EGLN1: variants seen among roughly 807,000 people sequenced by gnomAD.
The protein encoded by EGLN1 is egl nine homolog 1.
Under a neutral mutation model 38.3 loss-of-function variants are expected in EGLN1, and 17 were observed. The ratio of observed to expected loss-of-function variants is 0.44; its 90% CI spans 0.30 to 0.67. The LOEUF (loss-of-function observed/expected upper bound fraction) is 0.67. Ranked by LOEUF, EGLN1 falls within the 30% of genes least tolerant of loss-of-function variation. The probability of loss-of-function intolerance (pLI) is 0.08; values close to 1 mark genes in which losing one functional copy is unlikely to be tolerated. For missense variants in EGLN1, 477 were observed against 603.3 expected, an observed-to-expected ratio of 0.79 and a Z score of 2.19; for synonymous variants, 283 against 257.5, an observed-to-expected ratio of 1.10 and a Z score of -0.95.
chr1:231,417,188 C>A (rs2102942878), intron 1 of EGLN1, among the ~76,000 whole-genome samples: 1 of 151,840 alleles, frequency 6.6e-6, no homozygotes, highest in East Asian at 1.9e-4. Context: ...TCATCCTATT[C>A]TTTGCTCTAA....
intron 1 of EGLN1, among the ~76,000 whole-genome samples, chr1:231,408,259 G>A (rs1330553322): frequency 1.3e-5 from 2 of 152,150 alleles, no homozygotes; most frequent in African/African-American, 4.8e-5. Context: ...GGGGAGGAGT[G>A]TGGGAGTGGT....
At chr1:231,419,098 T>G (rs1656461844) in intron 1 of EGLN1, among the ~76,000 whole-genome samples, 1 of 152,210 alleles carries the variant, frequency 6.6e-6, no homozygotes, top group Admixed American at 6.5e-5. Context: ...TTATAGATCC[T>G]GAAGTTGCGT....
chr1:231,371,673 G>A (rs917660791), intron 2 of EGLN1, among the ~76,000 whole-genome samples: 6 of 152,136 alleles, frequency 3.9e-5, no homozygotes, highest in Non-Finnish European at 5.9e-5. Flanking sequence ...GGGAACTGTG[G>A]TGGGCTCTGG....
chr1:231,387,360 A>ATT (rs1464252140), intron 1 of EGLN1, among the ~76,000 whole-genome samples: 60 of 135,912 alleles, frequency 4.4e-4, no homozygotes, highest in Non-Finnish European at 5.1e-4. Context: ...TATTTTTTTA[A>ATT]TTTTTTTTTT....
chr1:231,396,497 C>T (rs909674766), intron 1 of EGLN1, among the ~76,000 whole-genome samples: 1 of 152,138 alleles, frequency 6.6e-6, no homozygotes, highest in African/African-American at 2.4e-5. Context: ...TGAGATCCAC[C>T]TCCCTCAGCC....
intron 2 of EGLN1, among the ~76,000 whole-genome samples, chr1:231,371,497 T>A (rs550669184): frequency 3.0e-4 from 46 of 152,332 alleles, no homozygotes; most frequent in African/African-American, 9.9e-4. Flanking sequence ...ATGACCATCA[T>A]TATTGTCGTC....
intron 1 of EGLN1, among the ~76,000 whole-genome samples, chr1:231,388,103 T>C (rs962538228): frequency 5.3e-5 from 8 of 152,188 alleles, no homozygotes; most frequent in African/African-American, 1.9e-4. Flanking sequence ...TTATTTTGGT[T>C]GTAGAGGGTG....
At chr1:231,418,293 T>C (rs1024828156) in intron 1 of EGLN1, among the ~76,000 whole-genome samples, 7 of 152,210 alleles carry the variant, frequency 4.6e-5, no homozygotes, top group African/African-American at 1.2e-4. Flanking sequence ...AGCCCAACCA[T>C]AGAGTATGAT....
chr1:231,395,427 G>C (rs1026267372), intron 1 of EGLN1, among the ~76,000 whole-genome samples: 2 of 152,020 alleles, frequency 1.3e-5, no homozygotes, highest in African/African-American at 4.8e-5. Flanking sequence ...AAACCACTTA[G>C]TAAGTATTTT....
chr1:231,397,943 A>C (rs1349940868), intron 1 of EGLN1, among the ~76,000 whole-genome samples: 1 of 152,236 alleles, frequency 6.6e-6, no homozygotes, highest in Non-Finnish European at 1.5e-5. Flanking sequence ...GAAACTGATA[A>C]GCCCATCAGA....
intron 1 of EGLN1, among the ~76,000 whole-genome samples, chr1:231,385,461 T>C (rs1558384382): frequency 6.6e-6 from 1 of 152,150 alleles, no homozygotes; most frequent in Non-Finnish European, 1.5e-5. Context: ...ATTAGCCAGG[T>C]AAGGAAGGAG....
chr1:231,366,529 T>C, intron 4 of EGLN1, 54 bp from the exon 5 acceptor site: 1 of 1,520,822 alleles, frequency 6.6e-7, no homozygotes, highest in Non-Finnish European at 9.1e-7. Context: ...ACCAGAGAGC[T>C]TCTGCTACTG....
In EGLN1 at chr1:231,366,491, A is replaced by AT. The variant is rs747776687; in HGVS notation, c.1217-17_1217-16insA. ...CCTTTTTCACCTGCAAGGTAAAAAA[A>AT]AAAAAAATTTTCATTCATTCACTAA... On this transcript the variant is annotated splice_polypyrimidine_tract_variant and intron_variant, in intron 4 of 4. Coordinates refer to ENST00000366641, the MANE Select transcript of EGLN1 (RefSeq NM_022051.3). 1 of 1,613,304 alleles carries AT rather than the reference A, an allele frequency of 6.2e-7. No homozygotes were observed. The highest frequency in any genetic ancestry group is 2.2e-5 in the East Asian group (1 of 44,858).
chr1:231,403,006 G>A (rs1688700905), intron 1 of EGLN1, among the ~76,000 whole-genome samples: 1 of 151,646 alleles, frequency 6.6e-6, no homozygotes, highest in Non-Finnish European at 1.5e-5. Flanking sequence ...TTGACCCATA[G>A]GTTATTTAGA....
At chr1:231,383,709 TC>T (rs1198414783) in intron 1 of EGLN1, among the ~76,000 whole-genome samples, 2 of 152,090 alleles carry the variant, frequency 1.3e-5, no homozygotes, top group African/African-American at 4.8e-5. Flanking sequence ...AAAAAGGCTC[TC>T]ACTGACTCAC....
At position 231,421,767 on chromosome 1, in the gene EGLN1, T is replaced by G; in HGVS notation, c.122A>C (p.Tyr41Ser). ...LRCSRCRSSF[Y>S]CCKEHQRQDW... ...CTGACGCTGGTGCTCCTTGCAGCAG[T>G]AGAAGGAGCTGCGGCAGCGGCTGCA... The change falls in exon 1 of 5, where the codon TAC becomes TCC. Residue 41 changes from tyrosine (Y) to serine (S), a missense_variant. Around this residue, in one of 4 missense-constraint regions of EGLN1, gnomAD observed 298 missense variants for 288.9 expected, o/e 1.03. Coordinates refer to ENST00000366641, the MANE Select transcript of EGLN1 (RefSeq NM_022051.3). The surrounding 1 kb of genome is among the most constrained non-coding windows in gnomAD (Gnocchi z 5.5). 1 of 1,555,474 alleles carries G rather than the reference T, an allele frequency of 6.4e-7. No individual in the cohort carries two copies.
chr1:231,367,671 A>G (rs1687688291), intron 3 of EGLN1, 35 bp from the exon 4 acceptor site: 16 of 1,590,528 alleles, frequency 1.0e-5, no homozygotes, highest in Non-Finnish European at 1.3e-5. Context: ...AAGAATGATC[A>G]CACTGCGGGG....
chr1:231,413,653 C>T (rs1689007683), intron 1 of EGLN1, among the ~76,000 whole-genome samples: 2 of 152,098 alleles, frequency 1.3e-5, no homozygotes, highest in South Asian at 4.1e-4. Context: ...AGATAAGGTC[C>T]ATGAGAAGGG....
At chr1:231,371,900 A>G (rs557892068) in intron 2 of EGLN1, among the ~76,000 whole-genome samples, 1 of 152,352 alleles carries the variant, frequency 6.6e-6, no homozygotes, top group East Asian at 1.9e-4. Flanking sequence ...AAGGTTTATC[A>G]GGCTCACTGT....
Sources: gnomAD v4.1 joint callset for allele counts (sites outside exome capture counted in the v4.1 genomes callset) on GRCh38, gnomAD v4.1.1 for gene constraint, gnomAD v4.1.1 regional missense constraint, Gnocchi (gnomAD v3.1) non-coding constraint, MANE v1.5 for transcripts, NCBI Gene and HGNC (gene_info 2026-07-23, HGNC 2026-07-21) for gene names.